The following MACROD2 variants were observed in gnomAD, a reference collection of about 807,000 sequenced individuals.
MACROD2 encodes the protein ADP-ribose glycohydrolase MACROD2.
Under a neutral mutation model 70.4 loss-of-function variants are expected in MACROD2, and 36 were observed. The observed-to-expected ratio is 0.51, with a 90% confidence interval of 0.39 to 0.68. The LOEUF (loss-of-function observed/expected upper bound fraction) is 0.68. Ranked by LOEUF, MACROD2 falls within the 30% of genes least tolerant of loss-of-function variation. The pLI is 0.00. For missense variants in MACROD2, 496 were observed against 538.4 expected, an observed-to-expected ratio of 0.92 and a Z score of 0.78; for synonymous variants, 172 against 178.8, an observed-to-expected ratio of 0.96 and a Z score of 0.30.
chr20:14,135,412 T>C (rs1328352360), intron 3 of MACROD2, among the ~76,000 whole-genome samples: 3 of 152,204 alleles, frequency 2.0e-5, no homozygotes, highest in African/African-American at 4.8e-5. Context: ...CCAGATGCTA[T>C]GTCACAGTGC....
intron 8 of MACROD2, among the ~76,000 whole-genome samples, chr20:15,635,303 A>C (rs1160866153): frequency 1.3e-5 from 2 of 152,230 alleles, no homozygotes; most frequent in African/African-American, 4.8e-5. Flanking sequence ...CAAGTTCATA[A>C]AGCTAACGAA....
intron 8 of MACROD2, among the ~76,000 whole-genome samples, chr20:15,537,859 A>G (rs975726594): frequency 6.6e-6 from 1 of 152,208 alleles, no homozygotes; most frequent in Non-Finnish European, 1.5e-5. Context: ...GACCCCAGTC[A>G]TATGCTTTCA....
chr20:14,223,419 A>G (rs762484513), intron 3 of MACROD2: 1 of 152,188 alleles, frequency 6.6e-6, no homozygotes, highest in Non-Finnish European at 1.5e-5. Flanking sequence ...GAAGAAGGCA[A>G]GGCTCTTATG....
At chr20:14,933,355 A>G (rs1379596672) in intron 5 of MACROD2, among the ~76,000 whole-genome samples, 1 of 152,246 alleles carries the variant, frequency 6.6e-6, no homozygotes, top group Non-Finnish European at 1.5e-5. Flanking sequence ...ACAGAAATAA[A>G]ATATTAGAAT....
intron 5 of MACROD2, among the ~76,000 whole-genome samples, chr20:14,977,626 G>GTAT (rs1300553753): frequency 6.6e-6 from 1 of 151,884 alleles, no homozygotes; most frequent in African/African-American, 2.4e-5. Flanking sequence ...CACATTATAG[G>GTAT]GTGTTATGAG....
At chr20:15,938,957 T>C (rs2065709015) in intron 12 of MACROD2, among the ~76,000 whole-genome samples, 1 of 152,250 alleles carries the variant, frequency 6.6e-6, no homozygotes, top group South Asian at 2.1e-4. Flanking sequence ...TAACATTCCC[T>C]TAAGCCAGAG....
intron 5 of MACROD2, among the ~76,000 whole-genome samples, chr20:14,735,129 TAAATTAGACGTTATTAAAACAA>T (rs2071647239): frequency 6.6e-6 from 1 of 152,016 alleles, no homozygotes; most frequent in Non-Finnish European, 1.5e-5. Context: ...TATTAATAGA[TAAATTAGACGTTATTAAAACAA>T]AAAAAGCCCT....
chr20:14,249,032 T>C (rs1371266861), intron 3 of MACROD2, among the ~76,000 whole-genome samples: 1 of 151,984 alleles, frequency 6.6e-6, no homozygotes, highest in East Asian at 1.9e-4. Context: ...ATAGAAGAAG[T>C]TTTTCTAGAG....
rs112567065 is a variant in MACROD2 at position 14,439,234 on chromosome 20, G to C, written c.272-54245G>C. Reference sequence around the variant, plus strand: ...TGTGTAAGTTCGGGTTTACTTTTGAGCTCTCTACTCTGTTCTCTGTGTCTC... The same window carrying C: ...TGTGTAAGTTCGGGTTTACTTTTGACCTCTCTACTCTGTTCTCTGTGTCTC... On this transcript the variant is annotated intron_variant, in intron 3 of 17. Coordinates refer to ENST00000684519, the MANE Select transcript of MACROD2 (RefSeq NM_001351661.2). 5.3e-3 allele frequency among the ~76,000 whole-genome samples: 806 copies of C among 152,098 alleles called. 9 individuals are homozygous for C. The highest frequency in any genetic ancestry group is 0.019 in the African/African-American group (770 of 41,504).
intron 5 of MACROD2, among the ~76,000 whole-genome samples, chr20:14,755,268 C>T (rs2071925030): frequency 6.6e-6 from 1 of 152,004 alleles, no homozygotes; most frequent in Non-Finnish European, 1.5e-5. Context: ...ATGTTCTCAC[C>T]ACTCCAGCTT....
At chr20:15,095,052 T>G (rs1211499693) in intron 5 of MACROD2, among the ~76,000 whole-genome samples, 2 of 143,614 alleles carry the variant, frequency 1.4e-5, no homozygotes, top group African/African-American at 2.6e-5. Flanking sequence ...CTTTTCACTG[T>G]GGTCTCCTCT....
intron 2 of MACROD2, among the ~76,000 whole-genome samples, chr20:14,082,495 C>T (rs1359474111): frequency 1.3e-5 from 2 of 151,866 alleles, no homozygotes; most frequent in African/African-American, 4.8e-5. Context: ...CCTGGCCCTC[C>T]CATACCTTTC....
At chr20:14,209,085 T>G (rs1375449065) in intron 3 of MACROD2, among the ~76,000 whole-genome samples, 1 of 152,204 alleles carries the variant, frequency 6.6e-6, no homozygotes, top group African/African-American at 2.4e-5. Flanking sequence ...CTGTAAATAT[T>G]TGATGAATGT....
At chr20:15,052,546 G>A (rs998830167) in intron 5 of MACROD2, among the ~76,000 whole-genome samples, 3 of 151,964 alleles carry the variant, frequency 2.0e-5, no homozygotes, top group Non-Finnish European at 4.4e-5. Flanking sequence ...ATTGTTTTGG[G>A]GTGCCACAAA....
At chr20:14,973,170 C>T (rs2122808133) in intron 5 of MACROD2, among the ~76,000 whole-genome samples, 1 of 149,422 alleles carries the variant, frequency 6.7e-6, no homozygotes, top group South Asian at 2.1e-4. Context: ...GCCACACTGA[C>T]ACAGAAAACA....
intron 8 of MACROD2, among the ~76,000 whole-genome samples, chr20:15,531,074 T>G (rs1040477650): frequency 6.6e-6 from 1 of 151,024 alleles, no homozygotes; most frequent in East Asian, 1.9e-4. Context: ...ATATTAATAA[T>G]TAAGAATAGA....
intron 5 of MACROD2, among the ~76,000 whole-genome samples, chr20:14,789,633 G>A (rs923655787): frequency 9.2e-5 from 14 of 151,406 alleles, no homozygotes; most frequent in African/African-American, 3.4e-4. Flanking sequence ...TAGCCACCAT[G>A]CCTGGCTAAT....
intron 8 of MACROD2, among the ~76,000 whole-genome samples, chr20:15,770,084 ATTTTCTTTTTTTTTTTTT>A (rs778455826): frequency 1.6e-5 from 2 of 125,700 alleles, no homozygotes. Context: ...ATTTATTTTA[ATTTTCTTTTTTTTTTTTT>A]TTTTTTTTTA....
chr20:16,037,396 CT>C (rs1476149298), intron 15 of MACROD2, among the ~76,000 whole-genome samples: 1 of 151,896 alleles, frequency 6.6e-6, no homozygotes, highest in Non-Finnish European at 1.5e-5. Context: ...AGAGTAACAA[CT>C]TAGAAAGATA....
Sources: gnomAD v4.1 joint callset for allele counts (sites outside exome capture counted in the v4.1 genomes callset) on GRCh38, gnomAD v4.1.1 for gene constraint, MANE v1.5 for transcripts, NCBI Gene and HGNC (gene_info 2026-07-23, HGNC 2026-07-21) for gene names.